The following SUGCT variants were observed in gnomAD, a reference collection of about 807,000 sequenced individuals.
SUGCT encodes the protein succinyl-CoA:glutarate CoA-transferase.
SUGCT carries 41 observed loss-of-function variants against 55.0 expected under a neutral mutation model. The observed-to-expected ratio is 0.74, with a 90% CI of 0.58 to 0.97. The LOEUF (loss-of-function observed/expected upper bound fraction) is 0.97, where lower values mean the gene tolerates loss of function less well. Ranked by LOEUF, SUGCT falls within the 50% of genes least tolerant of loss-of-function variation. The pLI, the probability that SUGCT is intolerant of heterozygous loss-of-function variation, is 0.00. For missense variants in SUGCT, 568 were observed against 547.8 expected (o/e 1.04, Z -0.37); for synonymous variants, 187 against 200.4 (o/e 0.93, Z 0.56).
At chr7:40,622,829 T>C (rs940263828) in intron 12 of SUGCT, among the ~76,000 whole-genome samples, 1 of 152,062 alleles carries the variant, frequency 6.6e-6, no homozygotes, top group African/African-American at 2.4e-5. Context: ...ACTTTCCACA[T>C]GCATCCCCCA....
chr7:40,447,668 A>C (rs1215781805), intron 9 of SUGCT, among the ~76,000 whole-genome samples: 1 of 152,128 alleles, frequency 6.6e-6, no homozygotes, highest in African/African-American at 2.4e-5. Context: ...TTTATGGAGA[A>C]CTGAGCCTAT....
At chr7:40,975,531 A>G in the SUGCT span, among the ~76,000 whole-genome samples, 1 of 152,252 alleles carries the variant, frequency 6.6e-6, no homozygotes, top group African/African-American at 2.4e-5. Context: ...TACTAGAGGT[A>G]GGCTGTCCCT....
intron 12 of SUGCT, among the ~76,000 whole-genome samples, chr7:40,537,914 T>C (rs957632436): frequency 6.6e-6 from 1 of 152,178 alleles, no homozygotes; most frequent in African/African-American, 2.4e-5. Flanking sequence ...TTTTATATAA[T>C]CATTGAGAAT....
intron 7 of SUGCT, among the ~76,000 whole-genome samples, chr7:40,241,980 T>C (rs927474416): frequency 3.3e-5 from 5 of 151,412 alleles, no homozygotes; most frequent in African/African-American, 1.2e-4. Context: ...ACTGTTGACC[T>C]TTACTAAATC....
At chr7:40,375,608 C>T (rs1026718534) in intron 9 of SUGCT, among the ~76,000 whole-genome samples, 1 of 152,152 alleles carries the variant, frequency 6.6e-6, no homozygotes, top group African/African-American at 2.4e-5. Flanking sequence ...ACAACTATCC[C>T]TCATTTGAGA....
chr7:40,506,379 C>G (rs1360436658), intron 12 of SUGCT, among the ~76,000 whole-genome samples: 2 of 151,868 alleles, frequency 1.3e-5, no homozygotes, highest in Non-Finnish European at 2.9e-5. Flanking sequence ...TACTAGATTC[C>G]CTTGAGTGTA....
chr7:40,664,810 C>T (rs953944401), intron 12 of SUGCT, among the ~76,000 whole-genome samples: 4 of 151,778 alleles, frequency 2.6e-5, no homozygotes, highest in Non-Finnish European at 4.4e-5. Flanking sequence ...GAAACCCCGT[C>T]TCTATTAAAA....
intron 1 of SUGCT, among the ~76,000 whole-genome samples, chr7:40,162,143 G>T (rs544962460): frequency 6.6e-6 from 1 of 152,058 alleles, no homozygotes; most frequent in African/African-American, 2.4e-5. Flanking sequence ...TGATCCGCCC[G>T]CCTCGGCCTC....
chr7:40,991,248 T>A, the SUGCT span, among the ~76,000 whole-genome samples: 2 of 152,170 alleles, frequency 1.3e-5, no homozygotes, highest in East Asian at 3.9e-4. Context: ...TGGAGAAAGA[T>A]GGAGAATGCT....
chr7:40,348,252 A>G (rs1797430631), intron 9 of SUGCT, among the ~76,000 whole-genome samples: 1 of 152,132 alleles, frequency 6.6e-6, no homozygotes, highest in African/African-American at 2.4e-5. Context: ...ATAAAGGAGG[A>G]ATTTCTTGCA....
chr7:40,138,485 G>T (rs1188301076), intron 1 of SUGCT, among the ~76,000 whole-genome samples: 2 of 152,172 alleles, frequency 1.3e-5, no homozygotes, highest in Non-Finnish European at 2.9e-5. Flanking sequence ...TTGATGTAAT[G>T]ATTTCTTTTC....
At chr7:40,285,437 C>T (rs940221116) in intron 8 of SUGCT, among the ~76,000 whole-genome samples, 10 of 149,274 alleles carry the variant, frequency 6.7e-5, no homozygotes, top group Non-Finnish European at 1.3e-4. Flanking sequence ...TTTCTCAGGT[C>T]AGGGAATTTT....
In SUGCT at chr7:40,684,128, G is replaced by A. The variant is rs555768877; in HGVS notation, c.1090-65306G>A. ...CCCCTTCCTTCATCTTCAAGGATCA[G>A]CAAGGGTGAGTTGAGCCCTTCTCTT... On this transcript the variant is annotated intron_variant, in intron 12 of 13. Transcript: ENST00000335693. 3 of 1,607,504 alleles carry A rather than the reference G, an allele frequency of 1.9e-6. No homozygotes were observed. In the African/African-American group the frequency reaches 4.0e-5, roughly 22 times the overall value.
chr7:40,745,225 G>A (rs536541154), intron 12 of SUGCT, among the ~76,000 whole-genome samples: 7 of 152,136 alleles, frequency 4.6e-5, no homozygotes, highest in Non-Finnish European at 8.8e-5. Context: ...TAAGGACACT[G>A]TAGTGTTTAC....
intron 12 of SUGCT, among the ~76,000 whole-genome samples, chr7:40,497,709 G>A (rs1792061168): frequency 6.6e-6 from 1 of 151,982 alleles, no homozygotes; most frequent in African/African-American, 2.4e-5. Context: ...CGTGTATTGA[G>A]GTGTACGTAG....
At chr7:40,524,109 A>G (rs1793689438) in intron 12 of SUGCT, among the ~76,000 whole-genome samples, 1 of 152,038 alleles carries the variant, frequency 6.6e-6, no homozygotes, top group Admixed American at 6.6e-5. Flanking sequence ...AATGTTTTGC[A>G]CATTTACTTT....
At chr7:40,377,385 G>A (rs917233784) in intron 9 of SUGCT, among the ~76,000 whole-genome samples, 20 of 150,816 alleles carry the variant, frequency 1.3e-4, no homozygotes, top group Admixed American at 7.3e-4. Context: ...TGGGATGACA[G>A]GCGTGAGCCA....
chr7:40,449,079 G>C (rs527259247), intron 9 of SUGCT, among the ~76,000 whole-genome samples: 160 of 152,016 alleles, frequency 1.1e-3, no homozygotes, highest in Non-Finnish European at 1.9e-3. Flanking sequence ...GCTATTGACT[G>C]TTTGACATTT....
chr7:40,254,449 G>A (rs954217153), intron 7 of SUGCT, among the ~76,000 whole-genome samples: 8 of 151,998 alleles, frequency 5.3e-5, no homozygotes, highest in African/African-American at 1.9e-4. Flanking sequence ...CCAGGCTGGA[G>A]TGCAGTGGTG....
Sources: gnomAD v4.1 joint callset for allele counts (sites outside exome capture counted in the v4.1 genomes callset) on GRCh38, gnomAD v4.1.1 for gene constraint, MANE v1.5 for transcripts, NCBI Gene and HGNC (gene_info 2026-07-23, HGNC 2026-07-21) for gene names.